The following CNTNAP3B variants were observed in gnomAD, a reference collection of about 807,000 sequenced individuals.
CNTNAP3B encodes contactin-associated protein-like 3B.
CNTNAP3B carries 25 observed loss-of-function variants against 108.9 expected under a neutral mutation model. The ratio of observed to expected loss-of-function variants is 0.23; its 90% CI spans 0.17 to 0.32. The LOEUF is 0.32. CNTNAP3B is among the 10% of genes least tolerant of loss of function. The probability of loss-of-function intolerance (pLI) is 1.00; values close to 1 mark genes in which losing one functional copy is unlikely to be tolerated. For synonymous variants in CNTNAP3B, 103 were observed against 473.4 expected (o/e 0.22, Z 10.16); for missense variants, 252 against 1,210.4 (o/e 0.21, Z 11.75).
At position 42,012,823 on chromosome 9, in the gene CNTNAP3B, C is replaced by T. The variant is rs1187431895; in HGVS notation, c.538+555G>A. On this transcript the variant is annotated intron_variant, in intron 4 of 23. Coordinates refer to ENST00000377561, the MANE Select transcript of CNTNAP3B (RefSeq NM_001201380.3). Reference sequence around the variant, plus strand: ...CTTTTTGTTTGTGTTATATTCATGTCGGCCCCATCCTTTCCACTTTTATAA... The same window carrying T: ...CTTTTTGTTTGTGTTATATTCATGTTGGCCCCATCCTTTCCACTTTTATAA... 9.6e-5 allele frequency among the ~76,000 whole-genome samples: 9 copies of T among 93,446 alleles called. 1 individual carries two copies. Among genetic ancestry groups the T allele is most frequent in the African/African-American group, 2.0e-4 (5 of 24,466 alleles). The allele number at this position is 93,446 out of a possible 152,430, so 61.3% of individuals were successfully genotyped here.
intron 14 of CNTNAP3B, among the ~76,000 whole-genome samples, chr9:41,934,830 T>G (rs1303431809): frequency 6.6e-6 from 1 of 152,288 alleles, no homozygotes; most frequent in Non-Finnish European, 1.5e-5. Flanking sequence ...TTTACTCGTA[T>G]TTATTATGAT....
chr9:41,953,256 C>T lies in CNTNAP3B; in HGVS notation c.2007G>A (p.Ala669=), dbSNP rs868040897. ...YAAGAGQLRA[A]VNLAERCEQR... is the part of the protein sequence containing the mutation. ...GCTCGCAGCGCTCCGCCAGGTTCAC[C>T]GCGGCCCGCAGCTGCCCCGCGCCCG... The change falls in exon 13 of 24, where the codon GCG becomes GCA. Residue 669 remains alanine, a synonymous_variant. Coordinates refer to ENST00000377561, the MANE Select transcript of CNTNAP3B (RefSeq NM_001201380.3). 1.8e-5 allele frequency: 28 copies of T among 1,526,326 alleles called. No individual in the cohort carries two copies. The highest frequency in any genetic ancestry group is 2.3e-4 in the Middle Eastern group (1 of 4,380). 94.5% of individuals were successfully genotyped at this position (1,526,326 alleles called of 1,614,324 possible).
intron 13 of CNTNAP3B, among the ~76,000 whole-genome samples, chr9:41,949,907 CT>C: frequency 6.6e-6 from 1 of 152,056 alleles, no homozygotes; most frequent in Admixed American, 6.5e-5. Flanking sequence ...AACTTTTGCT[CT>C]AAAAAATTCC....
At chr9:42,047,592 TCCC>T in intron 3 of CNTNAP3B, among the ~76,000 whole-genome samples, 1 of 19,410 alleles carries the variant, frequency 5.2e-5, no homozygotes. Flanking sequence ...CTTCCTTCCC[TCCC>T]TCCCTCCCTC....
intron 3 of CNTNAP3B, among the ~76,000 whole-genome samples, chr9:42,038,107 CT>C (rs1826670834): frequency 8.7e-6 from 1 of 115,082 alleles, no homozygotes; most frequent in African/African-American, 3.7e-5. Context: ...CCAGACCTGC[CT>C]TACAAGAGCT....
chr9:41,940,166 A>C (rs1475040656), intron 13 of CNTNAP3B, among the ~76,000 whole-genome samples: 4 of 152,304 alleles, frequency 2.6e-5, no homozygotes, highest in Non-Finnish European at 4.4e-5. Flanking sequence ...GAGAGAACAA[A>C]GTGTGCTGAA....
chr9:42,012,300 G>C (rs1187370787), intron 4 of CNTNAP3B, among the ~76,000 whole-genome samples: 4 of 116,980 alleles, frequency 3.4e-5, no homozygotes, highest in African/African-American at 7.1e-5. Flanking sequence ...GGGATGGAAG[G>C]AGATGAACAA....
rs1208674355 is a variant in CNTNAP3B, at chr9:42,096,031, T to A, written c.196+8598A>T. Reference sequence around the variant, plus strand: ...CAGACCTCAGGCAGGAACATGGTCTTGCTCACCTGCCTTTGGTACCTCAGG... The same window carrying A: ...CAGACCTCAGGCAGGAACATGGTCTAGCTCACCTGCCTTTGGTACCTCAGG... On this transcript the variant is annotated intron_variant, in intron 2 of 23. Coordinates refer to ENST00000377561, the MANE Select transcript of CNTNAP3B (RefSeq NM_001201380.3). Among the ~76,000 whole-genome samples the A allele has an allele frequency of 2.2e-5, 3 of 138,926 alleles. 1 individual carries two copies. Among genetic ancestry groups the A allele is most frequent in the East Asian group, 4.3e-4 (2 of 4,604 alleles). The allele number at this position is 138,926 out of a possible 152,430, so 91.1% of individuals were successfully genotyped here.
rs1181731489 is a variant in CNTNAP3B, at chr9:42,079,641, C to A, written c.197-2579G>T. Among the ~76,000 whole-genome samples the A allele has an allele frequency of 1.5e-5, 2 of 135,356 alleles. 1 individual carries two copies. Among genetic ancestry groups the A allele is most frequent in the African/African-American group, 6.0e-5 (2 of 33,594 alleles). The allele number at this position is 135,356 out of a possible 152,430, so 88.8% of individuals were successfully genotyped here. ...GGTTCAAGCAATTCTCCTGCCTCAGCCACCCAAGTAGCCGGGATTACAGGT... is the reference window on the plus strand; with the variant it reads ...GGTTCAAGCAATTCTCCTGCCTCAGACACCCAAGTAGCCGGGATTACAGGT... On this transcript the variant is annotated intron_variant, in intron 2 of 23. Coordinates refer to ENST00000377561, the MANE Select transcript of CNTNAP3B (RefSeq NM_001201380.3).
At chr9:41,926,323 A>C (rs1416741101) in intron 15 of CNTNAP3B, among the ~76,000 whole-genome samples, 13 of 152,264 alleles carry the variant, frequency 8.5e-5, no homozygotes, top group African/African-American at 3.1e-4. Flanking sequence ...CAGCTGCCCC[A>C]AAAGAAGGGA....
intron 13 of CNTNAP3B, among the ~76,000 whole-genome samples, chr9:41,948,294 G>A (rs1453507718): frequency 2.0e-5 from 3 of 151,810 alleles, no homozygotes; most frequent in Admixed American, 6.6e-5. Context: ...GTTTCACCAT[G>A]TTGGCCAGGC....
intron 1 of CNTNAP3B, among the ~76,000 whole-genome samples, chr9:42,115,050 T>A (rs1324986506): frequency 7.5e-6 from 1 of 133,998 alleles, no homozygotes; most frequent in East Asian, 2.3e-4. Context: ...CAAGACTCCA[T>A]ATCGGAAAAA....
At chr9:42,063,504 T>C (rs1827210405) in intron 3 of CNTNAP3B, among the ~76,000 whole-genome samples, 1 of 134,092 alleles carries the variant, frequency 7.5e-6, no homozygotes. Flanking sequence ...TGTCCTTGAA[T>C]TTTCAAAGTT....
At chr9:41,927,441 G>GAGAA (rs1298647679) in intron 15 of CNTNAP3B, among the ~76,000 whole-genome samples, 2,363 of 148,918 alleles carry the variant, frequency 0.016, 9 homozygotes, top group African/African-American at 0.057. Flanking sequence ...AAGAAAGAGA[G>GAGAA]AGAAAGAAAG....
chr9:42,071,400 G>A (rs1294371714), intron 3 of CNTNAP3B, among the ~76,000 whole-genome samples: 2 of 138,648 alleles, frequency 1.4e-5, no homozygotes, highest in African/African-American at 5.7e-5. Flanking sequence ...GATCTTGCTT[G>A]ACATTTTTAA....
chr9:42,018,698 T>C (rs1358605796), intron 3 of CNTNAP3B, among the ~76,000 whole-genome samples: 1 of 151,678 alleles, frequency 6.6e-6, no homozygotes, highest in African/African-American at 2.4e-5. Flanking sequence ...CAGCTCAGTT[T>C]TGGAGTTTCC....
intron 9 of CNTNAP3B, chr9:41,983,182 C>T (rs1278279858): frequency 7.3e-6 from 1 of 137,926 alleles, no homozygotes; most frequent in Non-Finnish European, 1.5e-5. Context: ...ATGTATACCT[C>T]TGAACCTAAA....
chr9:41,933,938 TAAAG>T (rs1436344767), intron 14 of CNTNAP3B, among the ~76,000 whole-genome samples: 1 of 151,768 alleles, frequency 6.6e-6, no homozygotes, highest in African/African-American at 2.4e-5. Context: ...ATACATTCTA[TAAAG>T]AAATAATTTT....
chr9:42,089,757 G>T lies in CNTNAP3B; in HGVS notation c.197-12695C>A, dbSNP rs566063487. 1.0e-3 allele frequency among the ~76,000 whole-genome samples: 152 copies of T among 146,248 alleles called. 2 individuals are homozygous for T. The highest frequency in any genetic ancestry group is 2.2e-3 in the South Asian group (10 of 4,600). On this transcript the variant is annotated intron_variant, in intron 2 of 23. Transcript: ENST00000377561. Reference sequence around the variant, plus strand: ...AGAAATATGAGGAGTGGAGGGAAAAGATCCAATATGTTTCCATTTGCTCTG... The same window carrying T: ...AGAAATATGAGGAGTGGAGGGAAAATATCCAATATGTTTCCATTTGCTCTG...
Sources: gnomAD v4.1 joint callset for allele counts (sites outside exome capture counted in the v4.1 genomes callset) on GRCh38, gnomAD v4.1.1 for gene constraint, MANE v1.5 for transcripts, NCBI Gene and HGNC (gene_info 2026-07-23, HGNC 2026-07-21) for gene names.